P4HA2: variants seen among roughly 807,000 people sequenced by gnomAD.
P4HA2 encodes prolyl 4-hydroxylase subunit alpha-2.
In P4HA2, 46 loss-of-function variants were observed where a neutral mutation model predicts 76.9. The ratio of observed to expected loss-of-function variants is 0.60; its 90% CI spans 0.47 to 0.76. The LOEUF is 0.76. P4HA2 is among the 30% of genes least tolerant of loss of function. P4HA2 has a pLI of 0.00. For missense variants in P4HA2, 583 were observed against 669.4 expected (o/e 0.87, Z 1.42); for synonymous variants, 243 against 254.0 (o/e 0.96, Z 0.41).
chr5:132,217,441 G>T, intron 3 of P4HA2, 93 bp from the exon 4 acceptor site: 1 of 1,235,778 alleles, frequency 8.1e-7, no homozygotes, highest in Non-Finnish European at 1.2e-6. Context: ...CTGGTGCCAG[G>T]TTCTGGGGCC....
chr5:132,204,516 C>G (rs1415591792), intron 8 of P4HA2, among the ~76,000 whole-genome samples: 1 of 152,220 alleles, frequency 6.6e-6, no homozygotes, highest in Non-Finnish European at 1.5e-5. Flanking sequence ...CACAGCCTGC[C>G]TGAGCTTAGC....
At position 132,195,476 on chromosome 5, in the gene P4HA2, C is replaced by A. The variant is rs139962653; in HGVS notation, c.1370G>T (p.Ser457Ile). The change falls in exon 13 of 15, where the codon AGT becomes ATT. Residue 457 changes from serine to isoleucine, a missense_variant. Physicochemically the swap from Ser to Ile is moderately radical, Grantham distance 142. Transcript: ENST00000360568. Reference sequence around the variant, plus strand: ...GGTGGCACCACCAGCTTCTACATCACTCATCTGGAAATATAAGACATAGAG... The same window carrying A: ...GGTGGCACCACCAGCTTCTACATCAATCATCTGGAAATATAAGACATAGAG... ...NRLATFLNYMSDVEAGGATVF... is the reference protein window; with the variant it reads ...NRLATFLNYMIDVEAGGATVF... 6.2e-7 allele frequency: 1 copy of A among 1,612,276 alleles called. No individual in the cohort carries two copies. The highest frequency in any genetic ancestry group is 1.1e-5 in the South Asian group (1 of 91,046).
rs1271355037 is a variant in P4HA2 at position 132,190,307 on chromosome 5, G to T, written c.*2703C>A. Among the ~76,000 whole-genome samples the T allele has an allele frequency of 6.6e-6, 1 of 152,166 alleles. No individual in the cohort carries two copies. The highest frequency in any genetic ancestry group is 1.5e-5 in the Non-Finnish European group (1 of 68,030). ...TCTCAGCTGCAAGCTCATCCTTGTA[G>T]TCTCTACTGTTCTACTGTAGCTGCC... On this transcript the variant is annotated 3_prime_UTR_variant, in exon 15 of 15. Transcript: ENST00000360568.
intron 1 of P4HA2, among the ~76,000 whole-genome samples, chr5:132,221,224 C>T (rs566333388): frequency 6.6e-6 from 1 of 152,188 alleles, no homozygotes; most frequent in Non-Finnish European, 1.5e-5. Context: ...CTGCTAAAAG[C>T]CCTCCCAGAA....
chr5:132,208,947 G>A (rs1021620965), intron 7 of P4HA2, among the ~76,000 whole-genome samples, 191 bp downstream of exon 7: 3 of 152,108 alleles, frequency 2.0e-5, no homozygotes, highest in African/African-American at 7.2e-5. Flanking sequence ...CCTGGGGCAC[G>A]AGGGGAGAGA....
At chr5:132,214,306 T>C (rs557987124) in intron 4 of P4HA2, among the ~76,000 whole-genome samples, 18 of 152,238 alleles carry the variant, frequency 1.2e-4, no homozygotes, top group Non-Finnish European at 2.5e-4. Context: ...CAGCCCCCCA[T>C]ATTGGTTAAT....
At chr5:132,209,617 T>C (rs1752769355) in intron 6 of P4HA2, among the ~76,000 whole-genome samples, 2 of 151,984 alleles carry the variant, frequency 1.3e-5, no homozygotes, top group African/African-American at 2.4e-5. Context: ...ACCTCATCTC[T>C]ACTAAAGAAA....
intron 1 of P4HA2, among the ~76,000 whole-genome samples, chr5:132,221,184 C>T (rs776889426): frequency 3.3e-5 from 5 of 152,230 alleles, no homozygotes; most frequent in African/African-American, 4.8e-5. Flanking sequence ...GTATGTGTAC[C>T]TGCTGAGTGC....
intron 11 of P4HA2, 108 bp downstream of exon 11, chr5:132,198,771 C>T: frequency 1.3e-6 from 1 of 784,168 alleles, no homozygotes; most frequent in Non-Finnish European, 2.3e-6. Flanking sequence ...GGAGGGAGGA[C>T]AAGGGGTGGG....
intron 1 of P4HA2, 148 bp from the exon 2 acceptor site, chr5:132,218,792 A>G (rs1754263535): frequency 1.7e-6 from 1 of 573,970 alleles, no homozygotes; most frequent in Non-Finnish European, 3.2e-6. Context: ...AAGGACAAAC[A>G]GCAGAAAGAA....
chr5:132,193,720 G>A (rs1349888381), intron 14 of P4HA2, among the ~76,000 whole-genome samples: 3 of 152,068 alleles, frequency 2.0e-5, no homozygotes, highest in Non-Finnish European at 4.4e-5. Flanking sequence ...TGTATGCCAT[G>A]GGCACAAGAG....
chr5:132,215,752 C>A lies in P4HA2; in HGVS notation c.331+1445G>T, dbSNP rs376820446. On this transcript the variant is annotated intron_variant, in intron 4 of 14. Transcript: ENST00000360568. The stretch of plus-strand genomic sequence containing the variant: ...TCAGGAGGCTGAGGCAGGAGGATCA[C>A]GTGAGGCCAGGAGTCCAAGGTTGCA... Among the ~76,000 whole-genome samples the A allele has an allele frequency of 2.7e-5, 4 of 150,258 alleles. No homozygotes were observed. In the East Asian group the frequency reaches 7.9e-4, roughly 30 times the overall value.
intron 1 of P4HA2, among the ~76,000 whole-genome samples, chr5:132,226,500 C>T (rs192731332): frequency 5.9e-5 from 9 of 152,168 alleles, no homozygotes; most frequent in Admixed American, 5.9e-4. Flanking sequence ...GATGGAGTCT[C>T]GCTCTGTCTC....
intron 7 of P4HA2, among the ~76,000 whole-genome samples, chr5:132,208,732 A>G (rs936515904): frequency 2.6e-5 from 4 of 151,928 alleles, no homozygotes; most frequent in Non-Finnish European, 4.4e-5. Context: ...CTAGGATCCC[A>G]GGGCTCTCAA....
chr5:132,197,451 T>C (rs958561866), intron 12 of P4HA2, among the ~76,000 whole-genome samples: 1 of 151,546 alleles, frequency 6.6e-6, no homozygotes, highest in Non-Finnish European at 1.5e-5. Context: ...CTACTAAAAA[T>C]ACAAAAATTA....
At chr5:132,204,930 A>C (rs1751995916) in intron 8 of P4HA2, among the ~76,000 whole-genome samples, 1 of 152,134 alleles carries the variant, frequency 6.6e-6, no homozygotes, top group Non-Finnish European at 1.5e-5. Flanking sequence ...GCCAGCCAAC[A>C]TGGCAAAGGT....
At position 132,214,001 on chromosome 5, in the gene P4HA2, GTCC is replaced by G; in HGVS notation, c.381_383del (p.Glu127del). The G allele has an allele frequency of 2.5e-6, 4 of 1,613,962 alleles. No individual in the cohort carries two copies. Among genetic ancestry groups the G allele is most frequent in the Non-Finnish European group, 3.4e-6 (4 of 1,179,846 alleles). ...TCAGGGCTTTGGCAGCTCCTATCTC[GTCC>G]TCATCAGTGGGGAAGAACTGCCGCT... On this transcript the variant is annotated inframe_deletion, in exon 5 of 15. Transcript: ENST00000360568.
intron 12 of P4HA2, chr5:132,197,895 A>G: frequency 2.0e-6 from 1 of 492,456 alleles, no homozygotes; most frequent in Non-Finnish European, 2.6e-6. Flanking sequence ...GAATGTATTT[A>G]ATACCACTGA....
At chr5:132,197,919 A>C in intron 12 of P4HA2, 1 of 784,134 alleles carries the variant, frequency 1.3e-6, no homozygotes, top group Non-Finnish European at 1.5e-6. Context: ...GTACATTTAA[A>C]AAATGGTTAA....
Sources: gnomAD v4.1 joint callset for allele counts (sites outside exome capture counted in the v4.1 genomes callset) on GRCh38, gnomAD v4.1.1 for gene constraint, MANE v1.5 for transcripts, NCBI Gene and HGNC (gene_info 2026-07-23, HGNC 2026-07-21) for gene names.